GLT8D2: variants seen among roughly 807,000 people sequenced by gnomAD.
GLT8D2 encodes the protein glycosyltransferase 8 domain containing 2, also known as glycosyltransferase 8 domain-containing protein 2.
Under a neutral mutation model 44.5 loss-of-function variants are expected in GLT8D2, and 45 were observed. The observed-to-expected ratio is 1.01, with a 90% confidence interval of 0.80 to 1.30. GLT8D2 has a LOEUF of 1.30. Ranked by LOEUF, GLT8D2 falls within the 50% of genes most tolerant of loss-of-function variation. The pLI is 0.00. For synonymous variants in GLT8D2, 156 were observed against 157.2 expected, an observed-to-expected ratio of 0.99 and a Z score of 0.06; for missense variants, 400 against 430.4, an observed-to-expected ratio of 0.93 and a Z score of 0.62.
chr12:104,031,015 G>T, intron 1 of GLT8D2: 1 of 1,244,282 alleles, frequency 8.0e-7, no homozygotes. Context: ...AGATGTGGCT[G>T]CCAGTGGTGA....
intron 1 of GLT8D2, among the ~76,000 whole-genome samples, chr12:104,026,961 C>A (rs1044638201): frequency 5.3e-5 from 8 of 152,282 alleles, no homozygotes; most frequent in African/African-American, 9.6e-5. Context: ...ACAGAGATAG[C>A]CCGAGGAGGT....
chr12:104,000,868 A>T (rs1195638627), intron 5 of GLT8D2, among the ~76,000 whole-genome samples: 2 of 152,228 alleles, frequency 1.3e-5, no homozygotes, highest in Non-Finnish European at 2.9e-5. Flanking sequence ...TTATAGGCAA[A>T]CACCTTTACA....
intron 1 of GLT8D2, among the ~76,000 whole-genome samples, chr12:104,061,235 C>T (rs984354957): frequency 2.0e-5 from 3 of 152,218 alleles, no homozygotes; most frequent in South Asian, 2.1e-4. Flanking sequence ...CTATCTAAGC[C>T]ACCAGTTATA....
intron 8 of GLT8D2, among the ~76,000 whole-genome samples, chr12:103,995,322 C>T (rs1045091643): frequency 1.3e-5 from 2 of 152,184 alleles, no homozygotes; most frequent in African/African-American, 2.4e-5. Context: ...CCTCCAATAC[C>T]TTTCCAACTC....
upstream of GLT8D2, among the ~76,000 whole-genome samples, chr12:104,052,050 G>T (rs1158993297): frequency 1.3e-5 from 2 of 152,108 alleles, no homozygotes; most frequent in Non-Finnish European, 2.9e-5. Context: ...ACGAGTCCAG[G>T]TTGGTCCAAA....
Position 103,994,469 on chromosome 12 carries a change from C to G in GLT8D2, c.633G>C (p.Lys211Asn), listed in dbSNP as rs201963804. 199 of 1,613,946 alleles carry G rather than the reference C, an allele frequency of 1.2e-4. No homozygotes were observed. The highest frequency in any genetic ancestry group is 1.2e-4 in the Non-Finnish European group (143 of 1,179,972). ...TGATGCCAAGGTCCTTGATGGCCTT[C>G]TTCCGGTAGTCCAGATAGCCCATAT... Reference protein sequence around the residue: ...NTYMGYLDYRKKAIKDLGISP... With the variant: ...NTYMGYLDYRNKAIKDLGISP... The change falls in exon 9 of 11, where the codon AAG becomes AAC. Residue 211 changes from lysine to asparagine, a missense_variant. Lys to Asn is a moderately conservative substitution (Grantham distance 94). Transcript: ENST00000360814.
intron 1 of GLT8D2, among the ~76,000 whole-genome samples, chr12:104,044,912 A>G (rs1416378663): frequency 6.6e-6 from 1 of 152,244 alleles, no homozygotes; most frequent in Non-Finnish European, 1.5e-5. Context: ...TAACATGTTG[A>G]CATATTTACT....
chr12:104,012,751 C>CT, intron 4 of GLT8D2: 3 of 690,010 alleles, frequency 4.3e-6, no homozygotes, highest in Non-Finnish European at 7.9e-6. Context: ...TGTCCATGCA[C>CT]TTAATTGCCT....
chr12:104,012,250 A>AT (rs1452661985), intron 4 of GLT8D2, among the ~76,000 whole-genome samples: 69 of 151,066 alleles, frequency 4.6e-4, no homozygotes, highest in Middle Eastern at 3.4e-3. Flanking sequence ...AAATGGAATC[A>AT]TACTTTTCAG....
intron 4 of GLT8D2, among the ~76,000 whole-genome samples, chr12:104,014,013 G>A (rs892808214): frequency 6.6e-6 from 1 of 152,170 alleles, no homozygotes; most frequent in Non-Finnish European, 1.5e-5. Context: ...CAAAGTGCTG[G>A]ATTACAAGTA....
At chr12:104,014,970 C>T in intron 4 of GLT8D2, 43 bp downstream of exon 4, 1 of 1,407,994 alleles carries the variant, frequency 7.1e-7, no homozygotes, top group Non-Finnish European at 1.0e-6. Flanking sequence ...ATTCAAACCA[C>T]ATTCCTGGGT....
intron 10 of GLT8D2, among the ~76,000 whole-genome samples, chr12:103,991,695 A>C (rs1872756452): frequency 6.6e-6 from 1 of 152,084 alleles, no homozygotes; most frequent in Non-Finnish European, 1.5e-5. Flanking sequence ...CACAACACTA[A>C]CTTCCCTGTG....
intron 1 of GLT8D2, among the ~76,000 whole-genome samples, chr12:104,030,257 G>GATA (rs1879087105): frequency 3.3e-5 from 5 of 152,186 alleles, no homozygotes; most frequent in Admixed American, 2.0e-4. Flanking sequence ...ATGGGGAAAG[G>GATA]ATAGTCTCTT....
chr12:104,018,056 A>G (rs1001574159), intron 3 of GLT8D2, among the ~76,000 whole-genome samples: 2 of 151,990 alleles, frequency 1.3e-5, no homozygotes, highest in Admixed American at 1.3e-4. Flanking sequence ...TGTAACCTCA[A>G]CCTTGCAGGC....
At chr12:104,043,043 G>A (rs114912530) in intron 1 of GLT8D2, among the ~76,000 whole-genome samples, 117 of 152,294 alleles carry the variant, frequency 7.7e-4, no homozygotes, top group African/African-American at 2.5e-3. Context: ...GCATGGGTGC[G>A]TGAGATGCAG....
intron 1 of GLT8D2, chr12:104,031,664 G>A (rs1250027321): frequency 1.3e-6 from 1 of 795,388 alleles, no homozygotes; most frequent in South Asian, 1.7e-5. Flanking sequence ...TGTAGCTGCA[G>A]ATGGGGACCA....
At position 103,997,914 on chromosome 12, in the gene GLT8D2, TACACACACACACACACACACAC is replaced by T. The variant is rs59719067; in HGVS notation, c.403-401_403-380del. ...AATTGTCAATTAAATCAGCCTTAAA[TACACACACACACACACACACAC>T]ACACACACACACACACACACGTGTG... On this transcript the variant is annotated intron_variant, in intron 6 of 10. Coordinates refer to ENST00000360814, the MANE Select transcript of GLT8D2 (RefSeq NM_001384711.1). 4.1e-5 allele frequency among the ~76,000 whole-genome samples: 6 copies of T among 146,056 alleles called. No individual in the cohort carries two copies. The East Asian group carries it at 1.0e-3, about 25-fold the overall frequency.
chr12:104,027,932 G>T (rs1452628831), intron 1 of GLT8D2, among the ~76,000 whole-genome samples: 1 of 152,188 alleles, frequency 6.6e-6, no homozygotes. Context: ...ACCGTGTGTT[G>T]ATGAAGCTTT....
At chr12:104,015,455 G>A (rs1876460523) in intron 3 of GLT8D2, among the ~76,000 whole-genome samples, 1 of 148,738 alleles carries the variant, frequency 6.7e-6, no homozygotes, top group Non-Finnish European at 1.5e-5. Context: ...GGGCGTGGTG[G>A]CATGCACCTG....
Sources: allele counts gnomAD v4.1 joint callset (sites outside exome capture counted in the v4.1 genomes callset), GRCh38; gene constraint gnomAD v4.1.1; transcripts MANE v1.5; gene names NCBI Gene and HGNC (gene_info 2026-07-23, HGNC 2026-07-21).